NCAM2: variants seen among roughly 807,000 people sequenced by gnomAD.
NCAM2 encodes N-CAM-2.
NCAM2 carries 30 observed loss-of-function variants against 98.1 expected under a neutral mutation model. The observed-to-expected ratio is 0.31, with a 90% CI of 0.23 to 0.41. NCAM2 has a LOEUF of 0.41. Ranked by LOEUF, NCAM2 falls within the 10% of genes least tolerant of loss-of-function variation. The probability of loss-of-function intolerance (pLI) is 1.00; values close to 1 mark genes in which losing one functional copy is unlikely to be tolerated. For missense variants in NCAM2, 867 were observed against 1,005.8 expected, an observed-to-expected ratio of 0.86 and a Z score of 1.87; for synonymous variants, 368 against 342.4, an observed-to-expected ratio of 1.07 and a Z score of -0.83.
At chr21:21,100,753 A>G (rs539837966) in intron 1 of NCAM2, among the ~76,000 whole-genome samples, 1 of 152,038 alleles carries the variant, frequency 6.6e-6, no homozygotes, top group East Asian at 1.9e-4. Flanking sequence ...TGTCTGGCCT[A>G]TGACTTCTCC....
At chr21:21,525,612 C>T (rs1159156133) in intron 16 of NCAM2, among the ~76,000 whole-genome samples, 41 of 152,204 alleles carry the variant, frequency 2.7e-4, no homozygotes, top group Non-Finnish European at 8.8e-5. Context: ...TATCAATTAT[C>T]TACATGTTAT....
At chr21:21,401,864 G>T (rs1223559515) in intron 9 of NCAM2, among the ~76,000 whole-genome samples, 1 of 152,296 alleles carries the variant, frequency 6.6e-6, no homozygotes, top group East Asian at 1.9e-4. Context: ...CAGGGACCCT[G>T]AACAGAGGGA....
At chr21:21,129,067 CATT>C (rs1211898839) in intron 1 of NCAM2, among the ~76,000 whole-genome samples, 1 of 152,112 alleles carries the variant, frequency 6.6e-6, no homozygotes, top group Non-Finnish European at 1.5e-5. Flanking sequence ...TAAGAGCTAT[CATT>C]AAGTTTTCAG....
chr21:21,247,612 C>A (rs1258692505), intron 1 of NCAM2, among the ~76,000 whole-genome samples: 2 of 152,052 alleles, frequency 1.3e-5, no homozygotes, highest in Non-Finnish European at 2.9e-5. Flanking sequence ...AAATGAGTCA[C>A]CCTGTAATCA....
intron 5 of NCAM2, among the ~76,000 whole-genome samples, chr21:21,313,372 C>G (rs1310694831): frequency 6.6e-6 from 1 of 151,772 alleles, no homozygotes; most frequent in Non-Finnish European, 1.5e-5. Context: ...TATTTTGAAG[C>G]ACTTTTTCAA....
chr21:21,292,741 G>A (rs1001761741), intron 5 of NCAM2, among the ~76,000 whole-genome samples: 1 of 151,816 alleles, frequency 6.6e-6, no homozygotes, highest in African/African-American at 2.4e-5. Context: ...TCCTTCCTGT[G>A]TTAACATGAT....
intron 1 of NCAM2, among the ~76,000 whole-genome samples, chr21:21,063,554 A>G (rs2146336793): frequency 6.6e-6 from 1 of 152,032 alleles, no homozygotes; most frequent in South Asian, 2.1e-4. Flanking sequence ...GAAATGTATA[A>G]TGGGGAAGAT....
chr21:21,035,721 G>A (rs973772046), intron 1 of NCAM2, among the ~76,000 whole-genome samples: 6 of 152,108 alleles, frequency 3.9e-5, no homozygotes, highest in Admixed American at 3.9e-4. Context: ...TGATAAGAGT[G>A]TTTGATAAGA....
At chr21:21,387,193 C>CACACACAG (rs2076288870) in intron 9 of NCAM2, among the ~76,000 whole-genome samples, 1 of 82,030 alleles carries the variant, frequency 1.2e-5, no homozygotes, top group Non-Finnish European at 2.9e-5. Flanking sequence ...CACATACACA[C>CACACACAG]ACACACACAC....
chr21:21,265,102 TATA>T (rs1353218782), intron 1 of NCAM2, among the ~76,000 whole-genome samples: 1 of 48,304 alleles, frequency 2.1e-5, no homozygotes, highest in Non-Finnish European at 4.2e-5. Flanking sequence ...TATATACATA[TATA>T]ATATATATAC....
chr21:21,456,222 T>C (rs1312586070), intron 12 of NCAM2, among the ~76,000 whole-genome samples: 1 of 152,174 alleles, frequency 6.6e-6, no homozygotes, highest in African/African-American at 2.4e-5. Context: ...GATTTCATAG[T>C]TTAAGAAATG....
intron 8 of NCAM2, among the ~76,000 whole-genome samples, chr21:21,343,321 C>T (rs1036358500): frequency 6.7e-6 from 1 of 149,892 alleles, no homozygotes; most frequent in East Asian, 2.0e-4. Context: ...TCTCCCCAAC[C>T]CTGCAAGGAC....
intron 1 of NCAM2, among the ~76,000 whole-genome samples, chr21:21,222,017 G>T (rs998276455): frequency 1.3e-5 from 2 of 152,110 alleles, no homozygotes; most frequent in Non-Finnish European, 2.9e-5. Context: ...AAAGTCTAAT[G>T]CCCTTAAGAA....
intron 8 of NCAM2, among the ~76,000 whole-genome samples, chr21:21,369,554 T>G (rs1372216974): frequency 1.3e-5 from 2 of 151,866 alleles, no homozygotes; most frequent in Non-Finnish European, 2.9e-5. Context: ...TCTGCACCAT[T>G]TTACATTCCC....
At chr21:21,341,925 G>C (rs1324811501) in intron 8 of NCAM2, among the ~76,000 whole-genome samples, 1 of 152,026 alleles carries the variant, frequency 6.6e-6, no homozygotes, top group East Asian at 1.9e-4. Context: ...GGGGGACAAT[G>C]GTGAACCCAT....
intron 1 of NCAM2, among the ~76,000 whole-genome samples, chr21:21,101,574 T>C (rs1330663112): frequency 1.3e-5 from 2 of 152,032 alleles, no homozygotes; most frequent in Non-Finnish European, 2.9e-5. Context: ...TTCAAATCTG[T>C]CATTCTGATT....
intron 9 of NCAM2, among the ~76,000 whole-genome samples, chr21:21,408,663 C>G (rs2076792101): frequency 6.6e-6 from 1 of 151,964 alleles, no homozygotes. Context: ...ATATCTGAGC[C>G]CTAAAACTTA....
intron 1 of NCAM2, among the ~76,000 whole-genome samples, chr21:21,004,010 G>A (rs1036727459): frequency 3.3e-5 from 5 of 152,080 alleles, no homozygotes; most frequent in African/African-American, 1.2e-4. Context: ...TCAGGCTGGT[G>A]TTAAACACCA....
intron 1 of NCAM2, among the ~76,000 whole-genome samples, chr21:21,221,028 C>G (rs192727043): frequency 6.6e-6 from 1 of 151,334 alleles, no homozygotes; most frequent in Non-Finnish European, 1.5e-5. Flanking sequence ...TTCAGTAATT[C>G]TTACAATATT....
Sources: allele counts gnomAD v4.1 joint callset (sites outside exome capture counted in the v4.1 genomes callset), GRCh38; gene constraint gnomAD v4.1.1; transcripts MANE v1.5; gene names NCBI Gene and HGNC (gene_info 2026-07-23, HGNC 2026-07-21).